Variants in EMSY observed in about 807,000 individuals in gnomAD.
The protein encoded by EMSY is BRCA2-interacting transcriptional repressor EMSY.
Under a neutral mutation model 134.6 loss-of-function variants are expected in EMSY, and 26 were observed. The observed-to-expected ratio is 0.19, with a 90% confidence interval of 0.14 to 0.27. The LOEUF is 0.27. Among genes scored for constraint, EMSY ranks in the 10% least tolerant of loss-of-function variants. The pLI, the probability that EMSY is intolerant of heterozygous loss-of-function variation, is 1.00. For synonymous variants in EMSY, 579 were observed against 577.8 expected (o/e 1.00, Z -0.03); for missense variants, 1,305 against 1,611.4 (o/e 0.81, Z 3.26).
chr11:76,504,344 A>G (rs948221287), intron 9 of EMSY, among the ~76,000 whole-genome samples: 2 of 151,112 alleles, frequency 1.3e-5, no homozygotes, highest in Non-Finnish European at 2.9e-5. Flanking sequence ...AAATAGACAT[A>G]TAACCCAATT....
At chr11:76,511,148 C>T (rs1408894847) in intron 9 of EMSY, among the ~76,000 whole-genome samples, 1 of 152,070 alleles carries the variant, frequency 6.6e-6, no homozygotes, top group East Asian at 1.9e-4. Flanking sequence ...TAGAATTCTC[C>T]AATGCAACTA....
chr11:76,508,433 TTTG>T (rs1469651176), intron 9 of EMSY, among the ~76,000 whole-genome samples: 13 of 152,188 alleles, frequency 8.5e-5, no homozygotes, highest in Non-Finnish European at 1.8e-4. Flanking sequence ...TCATCCAGGC[TTTG>T]TTGTTTCATT....
intron 14 of EMSY, among the ~76,000 whole-genome samples, chr11:76,534,658 T>G (rs932212076): frequency 2.0e-5 from 3 of 152,178 alleles, no homozygotes; most frequent in African/African-American, 4.8e-5. Context: ...ATTCTTGTTT[T>G]GGGGGCTACT....
chr11:76,486,099 C>T (rs747490964), intron 8 of EMSY, among the ~76,000 whole-genome samples: 8 of 152,248 alleles, frequency 5.3e-5, no homozygotes, highest in Admixed American at 2.0e-4. Flanking sequence ...ATGTCCTTTG[C>T]GGGGACATGC....
chr11:76,506,567 C>T (rs1193607839), intron 9 of EMSY, among the ~76,000 whole-genome samples: 1 of 152,018 alleles, frequency 6.6e-6, no homozygotes, highest in Admixed American at 6.5e-5. Context: ...AGATAGCACA[C>T]AAAAAGTGAA....
At chr11:76,456,473 T>G (rs1263900491) in intron 4 of EMSY, among the ~76,000 whole-genome samples, 1 of 150,146 alleles carries the variant, frequency 6.7e-6, no homozygotes, top group Non-Finnish European at 1.5e-5. Context: ...TGTGGTAAAC[T>G]CTCACCAAGC....
intron 14 of EMSY, among the ~76,000 whole-genome samples, chr11:76,533,715 A>G (rs1186625841): frequency 1.3e-5 from 2 of 152,176 alleles, no homozygotes; most frequent in Non-Finnish European, 2.9e-5. Flanking sequence ...TCTAACGTGT[A>G]GTAGGTATCC....
chr11:76,495,297 T>C (rs1949607499), intron 8 of EMSY, among the ~76,000 whole-genome samples: 1 of 152,216 alleles, frequency 6.6e-6, no homozygotes, highest in Non-Finnish European at 1.5e-5. Flanking sequence ...AAAAACATCC[T>C]AAGTACTTGA....
intron 5 of EMSY, 89 bp downstream of exon 6, chr11:76,458,447 C>A: frequency 7.7e-7 from 1 of 1,303,650 alleles, no homozygotes; most frequent in East Asian, 2.5e-5. Context: ...TTTTCATCTA[C>A]TTTTATTCTA....
At chr11:76,544,681 A>G in exon 19 of EMSY, 1 of 1,614,216 alleles carries the variant, frequency 6.2e-7, no homozygotes, top group Non-Finnish European at 8.5e-7. Context: ...AAACTGTAGT[A>G]CAGGTGCTTG....
intron 14 of EMSY, among the ~76,000 whole-genome samples, 169 bp from the exon 16 acceptor site, chr11:76,535,726 G>A (rs1210960152): frequency 1.3e-5 from 2 of 152,152 alleles, no homozygotes; most frequent in Non-Finnish European, 2.9e-5. Flanking sequence ...GAATTCAGAA[G>A]TGAAAGACAT....
At chr11:76,524,715 C>T (rs1422317383) in intron 12 of EMSY, among the ~76,000 whole-genome samples, 2 of 152,126 alleles carry the variant, frequency 1.3e-5, no homozygotes, top group African/African-American at 4.8e-5. Flanking sequence ...GTAAAACAAG[C>T]AAATCAACGT....
chr11:76,499,416 T>C (rs1019444378), intron 9 of EMSY, among the ~76,000 whole-genome samples: 4 of 147,964 alleles, frequency 2.7e-5, no homozygotes, highest in African/African-American at 1.0e-4. Flanking sequence ...GCCTCCCAAG[T>C]AGATGGGACT....
intron 9 of EMSY, among the ~76,000 whole-genome samples, chr11:76,505,212 G>T (rs866735912): frequency 6.6e-6 from 1 of 152,022 alleles, no homozygotes; most frequent in Non-Finnish European, 1.5e-5. Context: ...GGCCGGGAGC[G>T]GTGGCTCATG....
At chr11:76,458,661 G>A (rs1393474432) in intron 5 of EMSY, 1 of 201,126 alleles carries the variant, frequency 5.0e-6, no homozygotes, top group Non-Finnish European at 1.0e-5. Context: ...GATGACATTA[G>A]AAAATAAATA....
At chr11:76,461,079 T>C (rs981701164) in intron 6 of EMSY, 52 of 152,162 alleles carry the variant, frequency 3.4e-4, no homozygotes, top group African/African-American at 1.2e-3. Context: ...GATCTTATGC[T>C]GCTTCAACTC....
exon 21 of EMSY, chr11:76,550,372 T>C (rs918505243): frequency 1.8e-5 from 6 of 332,696 alleles, no homozygotes; most frequent in Admixed American, 4.8e-5. Context: ...AAAAAAAAGC[T>C]GCACATTTAC....
intron 9 of EMSY, among the ~76,000 whole-genome samples, chr11:76,512,818 G>A (rs1226698910): frequency 6.6e-6 from 1 of 151,148 alleles, no homozygotes; most frequent in Non-Finnish European, 1.5e-5. Flanking sequence ...TTTTTGTGTA[G>A]GTAGAATAAT....
At chr11:76,544,851 T>A (rs2136777156) in intron 19 of EMSY, 29 bp downstream of exon 20, 1 of 1,600,786 alleles carries the variant, frequency 6.2e-7, no homozygotes, top group Non-Finnish European at 8.6e-7. Context: ...CATGCAAAGT[T>A]AAACTTCTCT....
Sources: allele counts gnomAD v4.1 joint callset (sites outside exome capture counted in the v4.1 genomes callset), GRCh38; gene constraint gnomAD v4.1.1; transcripts MANE v1.5; gene names NCBI Gene and HGNC (gene_info 2026-07-23, HGNC 2026-07-21).